Variants in TTYH1 observed in about 807,000 individuals in gnomAD.
TTYH1 encodes the protein protein tweety homolog 1.
TTYH1 carries 33 observed loss-of-function variants against 61.2 expected under a neutral mutation model. The observed-to-expected ratio is 0.54, with a 90% CI of 0.41 to 0.72. The LOEUF (loss-of-function observed/expected upper bound fraction) is 0.72, where lower values mean the gene tolerates loss of function less well. Among genes scored for constraint, TTYH1 ranks in the 30% least tolerant of loss-of-function variants. The pLI is 0.00. For synonymous variants in TTYH1, 308 were observed against 266.4 expected (o/e 1.16, Z -1.52); for missense variants, 538 against 575.8 (o/e 0.93, Z 0.67).
intron 10 of TTYH1, chr19:54,432,722 C>T (rs987582335): frequency 4.6e-5 from 7 of 152,166 alleles, no homozygotes; most frequent in Admixed American, 6.5e-5. Flanking sequence ...AAACAGCAAA[C>T]CACTCTGCTA....
rs1077829 is a variant in TTYH1 at position 54,421,559 on chromosome 19, C to T, written c.417+171C>T. Among the ~76,000 whole-genome samples, 23,502 of 152,018 alleles carry T rather than the reference C, an allele frequency of 0.15. 2,143 individuals are homozygous for T. Among genetic ancestry groups the T allele is most frequent in the African/African-American group, 0.24 (10,005 of 41,436 alleles). ...GACCTCAGACTATCCACCCAACCCC[C>T]GACCCTGGCTGCAAATTGAGGACCT... On this transcript the variant is annotated intron_variant, in intron 3 of 13. Coordinates refer to ENST00000376530, the MANE Select transcript of TTYH1 (RefSeq NM_020659.4). The surrounding 1 kb of genome is among the most constrained non-coding windows in gnomAD (Gnocchi z 4.8).
chr19:54,426,580 G>T lies in TTYH1; in HGVS notation c.639-93G>T, dbSNP rs2083323292. 4 of 961,110 alleles carry T rather than the reference G, an allele frequency of 4.2e-6. No individual in the cohort carries two copies. The South Asian group carries it at 5.6e-5, about 13-fold the overall frequency. 59.5% of individuals were successfully genotyped at this position (961,110 alleles called of 1,614,324 possible). A position where few individuals can be genotyped will look rare whatever the true frequency, so the allele number is the denominator to read the frequency against. On this transcript the variant is annotated intron_variant, in intron 4 of 13. Transcript: ENST00000376530. ...AGGGTGGTGAATGTGAGGCTGAGCT[G>T]GGGGGCAGGGTGAATGCTGGTGGAG...
In TTYH1 at chr19:54,431,799, G is replaced by A. The variant is rs147875078; in HGVS notation, c.1125+608G>A. ...GTTTGGGCTCTGCCGCAGGCTGCAC[G>A]GCCATAGGCAGGTGAGCGTGGCTGA... On this transcript the variant is annotated intron_variant, in intron 10 of 13. Transcript: ENST00000376530. 949 of 153,410 alleles carry A rather than the reference G, an allele frequency of 6.2e-3. 7 individuals carry two copies. Among genetic ancestry groups the A allele is most frequent in the Middle Eastern group, 0.037 (11 of 296 alleles). 9.5% of individuals were successfully genotyped at this position (153,410 alleles called of 1,614,324 possible).
chr19:54,419,004 C>A lies in TTYH1; in HGVS notation c.127-124C>A. 2.1e-6 allele frequency: 2 copies of A among 973,578 alleles called. No homozygotes were observed. Among genetic ancestry groups the A allele is most frequent in the Non-Finnish European group, 3.0e-6 (2 of 657,884 alleles). 60.3% of individuals were successfully genotyped at this position (973,578 alleles called of 1,614,324 possible). Reference sequence around the variant, plus strand: ...GGACCCAATCTCCCCCAAGATTAGGCCAGGGATGTCTCCCACCTTCACTCT... The same window carrying A: ...GGACCCAATCTCCCCCAAGATTAGGACAGGGATGTCTCCCACCTTCACTCT... On this transcript the variant is annotated intron_variant, in intron 1 of 13. Coordinates refer to ENST00000376530, the MANE Select transcript of TTYH1 (RefSeq NM_020659.4). This position sits in a 1 kb window ranked among gnomAD's most constrained non-coding sequence, Gnocchi z 6.1.
At position 54,436,649 on chromosome 19, in the gene TTYH1, T is replaced by G; in HGVS notation, c.*359T>G. ...CACATCCCAGTGGGCTCTGACCCCC[T>G]GATCTCAACTCGTGGCACTAACTTG... On this transcript the variant is annotated 3_prime_UTR_variant, in exon 14 of 14. Coordinates refer to ENST00000376530, the MANE Select transcript of TTYH1 (RefSeq NM_020659.4). The surrounding 1 kb of genome is among the most constrained non-coding windows in gnomAD (Gnocchi z 4.3). 1 of 539,524 alleles carries G rather than the reference T, an allele frequency of 1.9e-6. No individual in the cohort carries two copies. The allele number at this position is 539,524 out of a possible 1,614,324, so 33.4% of individuals were successfully genotyped here. A position where few individuals can be genotyped will look rare whatever the true frequency, so the allele number is the denominator to read the frequency against.
rs565408048 is a variant in TTYH1 at position 54,424,428 on chromosome 19, T to C, written c.638+2018T>C. Among the ~76,000 whole-genome samples the C allele has an allele frequency of 1.9e-3, 294 of 152,368 alleles. 2 individuals are homozygous for C. Among genetic ancestry groups the C allele is most frequent in the African/African-American group, 6.6e-3 (276 of 41,592 alleles). The stretch of plus-strand genomic sequence containing the variant: ...AGATTTGGGAGGCCTTCCGGGATGC[T>C]GCGCTCCAGCGGGGAAGGCCGACTG... On this transcript the variant is annotated intron_variant, in intron 4 of 13. Transcript: ENST00000376530.
At chr19:54,422,656 G>T (rs180774821) in intron 4 of TTYH1, among the ~76,000 whole-genome samples, 1 of 152,028 alleles carries the variant, frequency 6.6e-6, no homozygotes, top group East Asian at 1.9e-4. Flanking sequence ...GGCCAGGCGC[G>T]GTGGCTCAGG....
intron 9 of TTYH1, 46 bp downstream of exon 9, chr19:54,430,951 G>C: frequency 1.3e-6 from 2 of 1,595,654 alleles, no homozygotes; most frequent in Non-Finnish European, 1.7e-6. Flanking sequence ...CACGGGGAAG[G>C]CGGACGGGGC....
At chr19:54,426,794 A>C (rs1313257381) in intron 5 of TTYH1, 26 bp downstream of exon 5, 4 of 1,602,104 alleles carry the variant, frequency 2.5e-6, no homozygotes, top group Non-Finnish European at 3.4e-6. Context: ...AGGGGGACCC[A>C]GTGCTTGCCT....
intron 4 of TTYH1, among the ~76,000 whole-genome samples, chr19:54,424,025 G>A (rs146133629): frequency 0.22 from 33,571 of 152,008 alleles, 4,200 homozygotes; most frequent in Non-Finnish European, 0.29. Context: ...GCCGGGCGTG[G>A]TGGTGGGCGC....
intron 4 of TTYH1, among the ~76,000 whole-genome samples, chr19:54,423,076 T>C (rs1260652404): frequency 6.6e-6 from 1 of 152,034 alleles, no homozygotes; most frequent in African/African-American, 2.4e-5. Context: ...TATTCACACA[T>C]GCGTTCATTC....
chr19:54,419,099 C>T lies in TTYH1; in HGVS notation c.127-29C>T, dbSNP rs139463053. ...TGAGTGTGGAACACACGGGTGCCCT[C>T]GGAGGTCTGATGTCACCCCCTTCCC... On this transcript the variant is annotated intron_variant, in intron 1 of 13. Coordinates refer to ENST00000376530, the MANE Select transcript of TTYH1 (RefSeq NM_020659.4). The surrounding 1 kb of genome is among the most constrained non-coding windows in gnomAD (Gnocchi z 6.1). 1,240 of 1,589,212 alleles carry T rather than the reference C, an allele frequency of 7.8e-4. 14 individuals are homozygous for T. Among genetic ancestry groups the T allele is most frequent in the South Asian group, 7.4e-3 (651 of 88,384 alleles).
In TTYH1 at chr19:54,416,645, G is replaced by A. The variant is rs2083083333; in HGVS notation, c.126+967G>A. The A allele has an allele frequency of 3.6e-6, 3 of 839,112 alleles. No individual in the cohort carries two copies. The highest frequency in any genetic ancestry group is 3.2e-5 in the South Asian group (2 of 62,304). The allele number at this position is 839,112 out of a possible 1,614,324, so 52.0% of individuals were successfully genotyped here. On this transcript the variant is annotated intron_variant, in intron 1 of 13. Transcript: ENST00000376530. The surrounding 1 kb of genome is among the most constrained non-coding windows in gnomAD (Gnocchi z 7.0). Reference sequence around the variant, plus strand: ...TGGAGAGCTCAGGGGGCGTGGAGGGGGTCCCAGAAAAGCGCGGAGGGGATG... The same window carrying A: ...TGGAGAGCTCAGGGGGCGTGGAGGGAGTCCCAGAAAAGCGCGGAGGGGATG...
rs1206252389 is a variant in TTYH1 at position 54,421,506 on chromosome 19, G to C, written c.417+118G>C. On this transcript the variant is annotated intron_variant, in intron 3 of 13. Transcript: ENST00000376530. This position sits in a 1 kb window ranked among gnomAD's most constrained non-coding sequence, Gnocchi z 4.8. ...CCCAGGCTTGAAGCTTAGGAACCCA[G>C]ATTCAGAACTTCATCCTGAGACCCA... The C allele has an allele frequency of 1.4e-6, 1 of 727,336 alleles. No individual in the cohort carries two copies. Among genetic ancestry groups the C allele is most frequent in the Non-Finnish European group, 2.4e-6 (1 of 409,336 alleles). The allele number at this position is 727,336 out of a possible 1,614,324, so 45.1% of individuals were successfully genotyped here.
Position 54,419,274 on chromosome 19 carries a change from C to T in TTYH1, c.273C>T (p.Thr91=). The change falls in exon 2 of 14, where the codon ACC becomes ACT. Residue 91 remains threonine, a synonymous_variant. Transcript: ENST00000376530. The surrounding 1 kb of genome is among the most constrained non-coding windows in gnomAD (Gnocchi z 6.1). ...KIPSPGGGCV[T]WSCIVALLAG... is the part of the protein sequence containing the mutation. ...CCTCGCCCGGGGGAGGCTGCGTCAC[C>T]TGGAGCTGCATTGTCGCCCTTCTCG... is the stretch of plus-strand genomic sequence containing the variant. 1 of 1,604,254 alleles carries T rather than the reference C, an allele frequency of 6.2e-7. No individual in the cohort carries two copies. Among genetic ancestry groups the T allele is most frequent in the Non-Finnish European group, 8.5e-7 (1 of 1,179,628 alleles).
chr19:54,419,347 T>TC lies in TTYH1; in HGVS notation c.305+45dup. 2 of 1,564,274 alleles carry TC rather than the reference T, an allele frequency of 1.3e-6. No homozygotes were observed. Among genetic ancestry groups the TC allele is most frequent in the Admixed American group, 3.6e-5 (2 of 55,508 alleles). The stretch of plus-strand genomic sequence containing the variant: ...GGTGGGTGGGCGGTGGGGACAGGGC[T>TC]CCCCAAGCTCTTTGCTGGCCTTCCT... On this transcript the variant is annotated intron_variant, in intron 2 of 13. Transcript: ENST00000376530. This position sits in a 1 kb window ranked among gnomAD's most constrained non-coding sequence, Gnocchi z 6.1.
At chr19:54,422,438 T>C in intron 4 of TTYH1, 28 bp downstream of exon 4, 1 of 1,484,236 alleles carries the variant, frequency 6.7e-7, no homozygotes, top group Non-Finnish European at 9.0e-7. Context: ...TTGCTCTCTG[T>C]GCCGGCAGCT....
At chr19:54,430,929 A>T (rs1463352886) in intron 9 of TTYH1, 24 bp downstream of exon 9, 2 of 1,606,066 alleles carry the variant, frequency 1.2e-6, no homozygotes, top group South Asian at 1.1e-5. Context: ...CGCTCCCCAG[A>T]CACGCGGACC....
chr19:54,421,140 C>G lies in TTYH1; in HGVS notation c.306-137C>G, dbSNP rs914354139. On this transcript the variant is annotated intron_variant, in intron 2 of 13. Coordinates refer to ENST00000376530, the MANE Select transcript of TTYH1 (RefSeq NM_020659.4). This position sits in a 1 kb window ranked among gnomAD's most constrained non-coding sequence, Gnocchi z 4.8. ...CCAGGCTGAAGTCGCCCTTTTCCCA[C>G]GGGCTGGCCCAATGAGGTGGGGCTG... The G allele has an allele frequency of 3.2e-6, 2 of 632,522 alleles. No individual in the cohort carries two copies. Among genetic ancestry groups the G allele is most frequent in the African/African-American group, 1.8e-5 (1 of 54,832 alleles). The allele number at this position is 632,522 out of a possible 1,614,324, so 39.2% of individuals were successfully genotyped here. A position where few individuals can be genotyped will look rare whatever the true frequency, so the allele number is the denominator to read the frequency against.
Sources: allele counts gnomAD v4.1 joint callset (sites outside exome capture counted in the v4.1 genomes callset), GRCh38; gene constraint gnomAD v4.1.1; non-coding constraint Gnocchi (gnomAD v3.1); transcripts MANE v1.5; gene names NCBI Gene and HGNC (gene_info 2026-07-23, HGNC 2026-07-21).